Variants in NCK2 observed in about 807,000 individuals in gnomAD.
NCK2 encodes the protein NCK adaptor protein 2, also known as cytoplasmic protein NCK2.
A neutral mutation model predicts 33.9 loss-of-function variants in NCK2; 16 were observed. The observed-to-expected ratio is 0.47, with a 90% CI of 0.32 to 0.72. NCK2 has a LOEUF of 0.72. Ranked by LOEUF, NCK2 falls within the 30% of genes least tolerant of loss-of-function variation. NCK2 has a pLI of 0.03. For synonymous variants in NCK2, 273 were observed against 239.9 expected (o/e 1.14, Z -1.27); for missense variants, 418 against 537.3 (o/e 0.78, Z 2.19).
rs1423916551 is a variant in NCK2, at chr2:105,891,569, G to GAT, written c.949-1412_949-1411insTA. Among the ~76,000 whole-genome samples, 7 of 6,566 alleles carry GAT rather than the reference G, an allele frequency of 1.1e-3. 2 individuals are homozygous for GAT. Among genetic ancestry groups the GAT allele is most frequent in the South Asian group, 2.9e-3 (1 of 346 alleles). The allele number at this position is 6,566 out of a possible 152,430, so 4.3% of individuals were successfully genotyped here. On this transcript the variant is annotated intron_variant, in intron 4 of 4. Transcript: ENST00000233154. ...TTTTTTTTTTTTTTTTTTTTTTTTT[G>GAT]AGATTTTTCGCTCTTGTTGCCCAGA...
intron 3 of NCK2, among the ~76,000 whole-genome samples, chr2:105,866,063 C>T (rs949179966): frequency 1.3e-5 from 2 of 152,052 alleles, no homozygotes; most frequent in African/African-American, 2.4e-5. Context: ...TACAGGCATG[C>T]GCCGCCACAC....
rs1232352980 is a variant in NCK2 at position 105,893,878 on chromosome 2, G to A, written c.*702G>A. On this transcript the variant is annotated 3_prime_UTR_variant, in exon 5 of 5. Transcript: ENST00000233154. Reference sequence around the variant, plus strand: ...CGGCTTGTTTGAATCTCACAATTATGTATTTAATTCTCAAAGAAATATGTA... The same window carrying A: ...CGGCTTGTTTGAATCTCACAATTATATATTTAATTCTCAAAGAAATATGTA... 1 of 152,522 alleles carries A rather than the reference G, an allele frequency of 6.6e-6. No homozygotes were observed. The highest frequency in any genetic ancestry group is 2.4e-5 in the African/African-American group (1 of 41,416). The allele number at this position is 152,522 out of a possible 1,614,324, so 9.4% of individuals were successfully genotyped here.
At chr2:105,770,124 T>TAA (rs76726445) in intron 1 of NCK2, among the ~76,000 whole-genome samples, 7 of 126,782 alleles carry the variant, frequency 5.5e-5, no homozygotes, top group South Asian at 2.5e-4. Context: ...CACTAATAAG[T>TAA]AAAAAAAAAA....
rs538430245 is a variant in NCK2, at chr2:105,839,604, T to C, written c.-16-15444T>C. Among the ~76,000 whole-genome samples, 7 of 152,334 alleles carry C rather than the reference T, an allele frequency of 4.6e-5. No individual in the cohort carries two copies. In the East Asian group the frequency reaches 1.3e-3, roughly 29 times the overall value. ...TAGTTTGTTTATTTGATTGGTTTCC[T>C]TTTGTTTTTCATGGGGAGAATGAAG... On this transcript the variant is annotated intron_variant, in intron 2 of 4. Coordinates refer to ENST00000233154, the MANE Select transcript of NCK2 (RefSeq NM_003581.5).
At chr2:105,796,215 A>C (rs971385887) in intron 1 of NCK2, among the ~76,000 whole-genome samples, 1 of 152,224 alleles carries the variant, frequency 6.6e-6, no homozygotes, top group Non-Finnish European at 1.5e-5. Context: ...CAGGGTTGAA[A>C]GACAATCATT....
At position 105,893,189 on chromosome 2, in the gene NCK2, C is replaced by G. The variant is rs770138657; in HGVS notation, c.*13C>G. The G allele has an allele frequency of 6.4e-7, 1 of 1,566,464 alleles. No individual in the cohort carries two copies. Among genetic ancestry groups the G allele is most frequent in the Admixed American group, 1.9e-5 (1 of 53,976 alleles). ...GGCCCTGCAGTGACGGCGCCCCGGC[C>G]CCACACTCGCCTCCCGGGCCCCACG... On this transcript the variant is annotated 3_prime_UTR_variant, in exon 5 of 5. Transcript: ENST00000233154.
intron 4 of NCK2, among the ~76,000 whole-genome samples, chr2:105,884,111 C>T (rs1678620779): frequency 1.3e-5 from 2 of 152,158 alleles, no homozygotes; most frequent in Non-Finnish European, 2.9e-5. Flanking sequence ...CTTCTTTTCT[C>T]CTGACAGCAG....
intron 2 of NCK2, among the ~76,000 whole-genome samples, chr2:105,816,843 G>A (rs913580575): frequency 1.3e-5 from 2 of 152,168 alleles, no homozygotes; most frequent in South Asian, 4.1e-4. Flanking sequence ...CCTACAACCT[G>A]TAAGATGGTA....
Position 105,881,896 on chromosome 2 carries a change from C to T in NCK2, c.795C>T (p.His265=). 4 of 1,570,568 alleles carry T rather than the reference C, an allele frequency of 2.5e-6. No individual in the cohort carries two copies. Among genetic ancestry groups the T allele is most frequent in the East Asian group, 4.5e-5 (2 of 44,478 alleles). ...LSDGPALHPA[H]APQISYTGPS... Reference sequence around the variant, plus strand: ...ACGGGCCTGCCCTGCACCCTGCGCACGCCCCACAGATAAGCTACACCGGGC... The same window carrying T: ...ACGGGCCTGCCCTGCACCCTGCGCATGCCCCACAGATAAGCTACACCGGGC... Residue 265 remains histidine (H), a synonymous_variant, in exon 4 of 5, where the codon CAC becomes CAT. Coordinates refer to ENST00000233154, the MANE Select transcript of NCK2 (RefSeq NM_003581.5).
intron 1 of NCK2, among the ~76,000 whole-genome samples, chr2:105,795,925 A>G (rs1190701311): frequency 6.6e-6 from 1 of 152,244 alleles, no homozygotes; most frequent in Admixed American, 6.5e-5. Context: ...TTAGGAAAAC[A>G]TGAATCATTT....
chr2:105,842,652 CATT>C (rs1676692207), intron 2 of NCK2, among the ~76,000 whole-genome samples: 1 of 152,022 alleles, frequency 6.6e-6, no homozygotes, highest in Non-Finnish European at 1.5e-5. Context: ...TGACTTGTGT[CATT>C]ATGTTTTGTT....
At chr2:105,764,026 C>G (rs976390720) in intron 1 of NCK2, among the ~76,000 whole-genome samples, 1 of 152,244 alleles carries the variant, frequency 6.6e-6, no homozygotes, top group Admixed American at 6.5e-5. Flanking sequence ...TTAGTCCTCT[C>G]TACAACCCCA....
At chr2:105,867,525 A>G (rs1018728718) in intron 3 of NCK2, among the ~76,000 whole-genome samples, 1 of 152,248 alleles carries the variant, frequency 6.6e-6, no homozygotes, top group South Asian at 2.1e-4. Flanking sequence ...GGATACTTCG[A>G]GAGAAAATAG....
chr2:105,782,147 G>A (rs1690519261), intron 1 of NCK2, among the ~76,000 whole-genome samples: 1 of 152,166 alleles, frequency 6.6e-6, no homozygotes, highest in African/African-American at 2.4e-5. Flanking sequence ...GCGAGAGTGG[G>A]AGCCTATCAC....
chr2:105,868,525 G>C (rs1015762457), intron 3 of NCK2, among the ~76,000 whole-genome samples: 3 of 152,208 alleles, frequency 2.0e-5, no homozygotes, highest in African/African-American at 7.2e-5. Flanking sequence ...AAATTTACAA[G>C]TGGGTGTTTG....
intron 1 of NCK2, among the ~76,000 whole-genome samples, chr2:105,802,698 T>C (rs759566423): frequency 3.9e-5 from 6 of 152,234 alleles, no homozygotes; most frequent in Non-Finnish European, 7.3e-5. Context: ...GCCCTCGCGA[T>C]GCAGACACCT....
At chr2:105,776,794 G>A (rs1407740650) in intron 1 of NCK2, among the ~76,000 whole-genome samples, 1 of 152,018 alleles carries the variant, frequency 6.6e-6, no homozygotes, top group Non-Finnish European at 1.5e-5. Flanking sequence ...CTATTCGAGG[G>A]TACCATAGCC....
intron 2 of NCK2, among the ~76,000 whole-genome samples, chr2:105,838,743 C>T (rs1277380890): frequency 6.6e-6 from 1 of 152,152 alleles, no homozygotes; most frequent in Non-Finnish European, 1.5e-5. Context: ...AGACCATCAA[C>T]ACCTACTGAT....
At chr2:105,875,991 T>G (rs903900699) in intron 3 of NCK2, among the ~76,000 whole-genome samples, 4 of 152,192 alleles carry the variant, frequency 2.6e-5, no homozygotes, top group African/African-American at 9.7e-5. Flanking sequence ...CATTCTTTCA[T>G]TCTTTTTCAT....
Sources: gnomAD v4.1 joint callset for allele counts (sites outside exome capture counted in the v4.1 genomes callset) on GRCh38, gnomAD v4.1.1 for gene constraint, MANE v1.5 for transcripts, NCBI Gene and HGNC (gene_info 2026-07-23, HGNC 2026-07-21) for gene names.